Variants in DENND1A observed in about 807,000 individuals in gnomAD.
The protein encoded by DENND1A is DENN domain containing 1A.
Under a neutral mutation model 113.7 loss-of-function variants are expected in DENND1A, and 51 were observed. The observed-to-expected ratio is 0.45, with a 90% CI of 0.36 to 0.57. The LOEUF is 0.57. Ranked by LOEUF, DENND1A falls within the 20% of genes least tolerant of loss-of-function variation. The probability of loss-of-function intolerance (pLI) is 0.00; values close to 1 mark genes in which losing one functional copy is unlikely to be tolerated. For synonymous variants in DENND1A, 565 were observed against 570.8 expected, an observed-to-expected ratio of 0.99 and a Z score of 0.14; for missense variants, 1,258 against 1,395.9, an observed-to-expected ratio of 0.90 and a Z score of 1.57.
intron 2 of DENND1A, among the ~76,000 whole-genome samples, chr9:123,821,310 T>C (rs1369192300): frequency 6.6e-6 from 1 of 152,172 alleles, no homozygotes; most frequent in Non-Finnish European, 1.5e-5. Context: ...GAAAATTATA[T>C]ATATATCTCT....
chr9:123,838,668 T>C (rs894578193), intron 2 of DENND1A, among the ~76,000 whole-genome samples: 8 of 152,218 alleles, frequency 5.3e-5, no homozygotes, highest in African/African-American at 1.9e-4. Flanking sequence ...AGGCGGTACC[T>C]GGAAAGAAAA....
chr9:123,735,705 A>G (rs977404288), intron 5 of DENND1A, among the ~76,000 whole-genome samples: 9 of 152,216 alleles, frequency 5.9e-5, no homozygotes, highest in Admixed American at 3.3e-4. Flanking sequence ...TTAGAAAAAA[A>G]TACTGAAGCT....
intron 5 of DENND1A, among the ~76,000 whole-genome samples, chr9:123,685,480 A>G (rs1359094659): frequency 2.0e-5 from 3 of 152,212 alleles, no homozygotes; most frequent in Admixed American, 6.5e-5. Context: ...AGAAACACCA[A>G]AAACTCCCAT....
chr9:123,660,238 G>A (rs1262272162), intron 8 of DENND1A, among the ~76,000 whole-genome samples: 1 of 152,150 alleles, frequency 6.6e-6, no homozygotes, highest in Admixed American at 6.5e-5. Context: ...TGTACGGTAG[G>A]AGTCTGGCAG....
intron 5 of DENND1A, among the ~76,000 whole-genome samples, chr9:123,717,415 GA>G (rs2067046571): frequency 6.6e-6 from 1 of 152,178 alleles, no homozygotes; most frequent in Non-Finnish European, 1.5e-5. Flanking sequence ...CCACTTTACA[GA>G]TAAGGAAAGA....
At chr9:123,492,553 C>T (rs1000922126) in intron 13 of DENND1A, 4 of 152,168 alleles carry the variant, frequency 2.6e-5, no homozygotes, top group African/African-American at 4.8e-5. Context: ...GAGTGAGACA[C>T]CATCATATAG....
intron 13 of DENND1A, among the ~76,000 whole-genome samples, chr9:123,549,736 T>C (rs574412115): frequency 2.0e-5 from 3 of 152,316 alleles, no homozygotes; most frequent in Admixed American, 6.5e-5. Flanking sequence ...TAAAAATGCA[T>C]ATGAAATCTT....
chr9:123,596,577 C>G (rs931573852), intron 11 of DENND1A, among the ~76,000 whole-genome samples: 2 of 152,058 alleles, frequency 1.3e-5, no homozygotes, highest in African/African-American at 4.8e-5. Flanking sequence ...GGGATTTGAC[C>G]CCAAAGCCTG....
chr9:123,896,639 T>A (rs1244417618), intron 1 of DENND1A, among the ~76,000 whole-genome samples: 1 of 152,092 alleles, frequency 6.6e-6, no homozygotes, highest in African/African-American at 2.4e-5. Flanking sequence ...AATAAATTTT[T>A]AAAAGATTAA....
intron 5 of DENND1A, among the ~76,000 whole-genome samples, chr9:123,715,664 G>T (rs2066923934): frequency 6.6e-6 from 1 of 152,076 alleles, no homozygotes; most frequent in Non-Finnish European, 1.5e-5. Context: ...ATAGGCACTG[G>T]ATCTGTTTTT....
At chr9:123,579,439 T>C (rs886642873) in intron 12 of DENND1A, among the ~76,000 whole-genome samples, 3 of 152,132 alleles carry the variant, frequency 2.0e-5, no homozygotes, top group African/African-American at 7.2e-5. Flanking sequence ...ACTGATGGAA[T>C]AGTTTTAGTT....
chr9:123,473,413 C>T (rs1422121640), intron 13 of DENND1A, among the ~76,000 whole-genome samples: 1 of 152,054 alleles, frequency 6.6e-6, no homozygotes, highest in South Asian at 2.1e-4. Context: ...CCGTTTACAC[C>T]GCTCCTGGAG....
At chr9:123,546,734 T>C (rs1035039404) in intron 13 of DENND1A, among the ~76,000 whole-genome samples, 3 of 152,174 alleles carry the variant, frequency 2.0e-5, no homozygotes, top group African/African-American at 7.2e-5. Flanking sequence ...GTATAAAACA[T>C]GGCCCCATGC....
intron 5 of DENND1A, among the ~76,000 whole-genome samples, chr9:123,737,522 A>G (rs1282548992): frequency 6.6e-6 from 1 of 152,184 alleles, no homozygotes; most frequent in Non-Finnish European, 1.5e-5. Context: ...CCACTATACA[A>G]CTGAGTAGTC....
intron 1 of DENND1A, among the ~76,000 whole-genome samples, chr9:123,905,390 C>A (rs1852594506): frequency 6.8e-6 from 1 of 147,344 alleles, no homozygotes; most frequent in African/African-American, 2.6e-5. Flanking sequence ...CTAAATGCTC[C>A]AATTAAAAGA....
At chr9:123,493,450 T>TG (rs1588828124) in intron 13 of DENND1A, among the ~76,000 whole-genome samples, 1 of 152,030 alleles carries the variant, frequency 6.6e-6, no homozygotes, top group East Asian at 1.9e-4. Flanking sequence ...GATGAAAACT[T>TG]GGAGGGGTGG....
chr9:123,797,216 T>C (rs905710446), intron 2 of DENND1A, among the ~76,000 whole-genome samples: 3 of 152,176 alleles, frequency 2.0e-5, no homozygotes, highest in Admixed American at 2.0e-4. Context: ...ATAATCTCAT[T>C]GTTCAATTTC....
At chr9:123,820,311 G>T (rs1367768654) in intron 2 of DENND1A, among the ~76,000 whole-genome samples, 2 of 152,196 alleles carry the variant, frequency 1.3e-5, no homozygotes, top group Non-Finnish European at 2.9e-5. Flanking sequence ...GAATACAGCA[G>T]GAATTATGCC....
At chr9:123,444,672 A>T (rs949428739) in intron 18 of DENND1A, among the ~76,000 whole-genome samples, 1 of 152,162 alleles carries the variant, frequency 6.6e-6, no homozygotes, top group Non-Finnish European at 1.5e-5. Context: ...AAATAAAGAC[A>T]TGGGGAAGAA....
Sources: allele counts gnomAD v4.1 joint callset (sites outside exome capture counted in the v4.1 genomes callset), GRCh38; gene constraint gnomAD v4.1.1; transcripts MANE v1.5; gene names NCBI Gene and HGNC (gene_info 2026-07-23, HGNC 2026-07-21).